The following ERC2 variants were observed in gnomAD, a reference collection of about 807,000 sequenced individuals.
The protein encoded by ERC2 is ELKS/RAB6-interacting/CAST family member 2.
In ERC2, 42 loss-of-function variants were observed where a neutral mutation model predicts 114.8. The observed-to-expected ratio is 0.37, with a 90% confidence interval of 0.29 to 0.47. The LOEUF is 0.47. ERC2 is among the 20% of genes least tolerant of loss of function. The probability of loss-of-function intolerance (pLI) is 0.99; values close to 1 mark genes in which losing one functional copy is unlikely to be tolerated. For synonymous variants in ERC2, 454 were observed against 425.5 expected (o/e 1.07, Z -0.82); for missense variants, 939 against 1,150.7 (o/e 0.82, Z 2.66).
chr3:55,711,085 T>C (rs1373031547), intron 15 of ERC2, among the ~76,000 whole-genome samples: 1 of 152,230 alleles, frequency 6.6e-6, no homozygotes, highest in Admixed American at 6.5e-5. Flanking sequence ...CGTTCCAAAG[T>C]ACTATGGTAT....
At chr3:55,829,190 G>A (rs1293768644) in intron 14 of ERC2, among the ~76,000 whole-genome samples, 1 of 152,074 alleles carries the variant, frequency 6.6e-6, no homozygotes. Flanking sequence ...ATTTTGAAAG[G>A]AAAAGATGAT....
chr3:56,090,012 G>A (rs1244000709), intron 6 of ERC2, among the ~76,000 whole-genome samples: 2 of 152,136 alleles, frequency 1.3e-5, no homozygotes. Flanking sequence ...AGGGGCTACT[G>A]ACCTCTACAA....
chr3:56,009,039 AAAC>A (rs1438659358), intron 9 of ERC2, among the ~76,000 whole-genome samples: 6 of 152,336 alleles, frequency 3.9e-5, no homozygotes, highest in African/African-American at 9.6e-5. Flanking sequence ...CATCATGCAG[AAAC>A]AACAAGTGTT....
At chr3:56,391,192 A>C (rs945803849) in intron 2 of ERC2, among the ~76,000 whole-genome samples, 4 of 152,120 alleles carry the variant, frequency 2.6e-5, no homozygotes, top group Non-Finnish European at 4.4e-5. Context: ...CCATACCAAC[A>C]CTTCAAATTA....
chr3:55,583,445 C>CCTTCCTTCCTTCCTT (rs1559692653), intron 17 of ERC2, among the ~76,000 whole-genome samples: 1 of 56,224 alleles, frequency 1.8e-5, no homozygotes, highest in Non-Finnish European at 3.8e-5. Flanking sequence ...CTTCCTTCCT[C>CCTTCCTTCCTTCCTT]CCTCCCTCCT....
chr3:56,454,370 G>A (rs2062962858), intron 1 of ERC2, among the ~76,000 whole-genome samples: 1 of 152,106 alleles, frequency 6.6e-6, no homozygotes, highest in Non-Finnish European at 1.5e-5. Context: ...CAGAATCTCT[G>A]CCTGAGAGTA....
At chr3:56,123,355 G>C (rs971433885) in intron 6 of ERC2, among the ~76,000 whole-genome samples, 1 of 151,994 alleles carries the variant, frequency 6.6e-6, no homozygotes, top group Admixed American at 6.6e-5. Flanking sequence ...CAGCAAGAAG[G>C]TGCCATCTGT....
intron 3 of ERC2, among the ~76,000 whole-genome samples, chr3:56,201,558 G>A (rs1243548524): frequency 6.6e-6 from 1 of 152,162 alleles, no homozygotes; most frequent in African/African-American, 2.4e-5. Flanking sequence ...ATTAAAATAT[G>A]TGTCTGGCAA....
intron 15 of ERC2, among the ~76,000 whole-genome samples, chr3:55,718,101 T>C (rs843797): frequency 0.83 from 125,712 of 152,190 alleles, 52,419 homozygotes; most frequent in African/African-American, 0.94. Flanking sequence ...TCTGACAAAG[T>C]ACCCAAGCAG....
chr3:55,615,087 T>G (rs1229549580), intron 17 of ERC2, among the ~76,000 whole-genome samples: 1 of 152,200 alleles, frequency 6.6e-6, no homozygotes, highest in African/African-American at 2.4e-5. Context: ...AAATATATTA[T>G]TTAGTTTTTA....
chr3:55,528,179 A>G (rs2053450113), intron 17 of ERC2, among the ~76,000 whole-genome samples: 1 of 152,232 alleles, frequency 6.6e-6, no homozygotes, highest in African/African-American at 2.4e-5. Context: ...TTCCTTTAGA[A>G]CAACAAAGCA....
At chr3:56,073,053 C>A (rs1462965677) in intron 7 of ERC2, among the ~76,000 whole-genome samples, 1 of 152,042 alleles carries the variant, frequency 6.6e-6, no homozygotes, top group Non-Finnish European at 1.5e-5. Context: ...GTCCAAACAC[C>A]ATACACACTC....
intron 6 of ERC2, among the ~76,000 whole-genome samples, chr3:56,091,359 G>A (rs2077779354): frequency 1.3e-5 from 2 of 152,202 alleles, no homozygotes; most frequent in Admixed American, 1.3e-4. Flanking sequence ...TCAGTAGATA[G>A]TGGAATTATT....
intron 10 of ERC2, among the ~76,000 whole-genome samples, chr3:55,995,334 T>TCAAA (rs1213786738): frequency 5.3e-5 from 5 of 93,506 alleles, no homozygotes; most frequent in Non-Finnish European, 1.4e-4. Flanking sequence ...TCCATCTCAA[T>TCAAA]CAATCAATCA....
chr3:56,367,353 A>C (rs1437821085), intron 2 of ERC2, among the ~76,000 whole-genome samples: 2 of 151,998 alleles, frequency 1.3e-5, no homozygotes, highest in Non-Finnish European at 1.5e-5. Context: ...AATCTTAAAT[A>C]ACACAAACTA....
rs146388134 is a variant in ERC2, at chr3:55,578,313, C to A, written c.*40-67037G>T. ...ACTCCATGAGGTCTGGTCCCTGCGA[C>A]TCTCCCAGACCTTTTCTCTTACCAG... On this transcript the variant is annotated intron_variant, in intron 17 of 17. Coordinates refer to ENST00000288221, the MANE Select transcript of ERC2 (RefSeq NM_015576.3). 1.2e-4 allele frequency among the ~76,000 whole-genome samples: 18 copies of A among 152,308 alleles called. No homozygotes were observed. In the East Asian group the frequency reaches 3.1e-3, roughly 26 times the overall value.
chr3:56,118,164 C>T (rs959152553), intron 6 of ERC2, among the ~76,000 whole-genome samples: 3 of 152,216 alleles, frequency 2.0e-5, no homozygotes, highest in Non-Finnish European at 4.4e-5. Context: ...TCAGCTTCCT[C>T]ATCTGTAAAA....
chr3:56,229,779 G>A (rs1345673257), intron 3 of ERC2, among the ~76,000 whole-genome samples: 1 of 149,206 alleles, frequency 6.7e-6, no homozygotes, highest in Non-Finnish European at 1.5e-5. Flanking sequence ...ATTCTAACTA[G>A]TACATGGAAT....
rs1275579372 is a variant in ERC2, at chr3:56,172,885, G to GT, written c.1149+560dup. ...GGATTTTTCTATTCCTTTAAATAGTGTATCTCTATGCCTGCACAGCTAAAT... is the reference window on the plus strand; with the variant it reads ...GGATTTTTCTATTCCTTTAAATAGTGTTATCTCTATGCCTGCACAGCTAAAT... On this transcript the variant is annotated intron_variant, in intron 4 of 17. Coordinates refer to ENST00000288221, the MANE Select transcript of ERC2 (RefSeq NM_015576.3). 6.6e-5 allele frequency among the ~76,000 whole-genome samples: 10 copies of GT among 152,246 alleles called. No homozygotes were observed. In the East Asian group the frequency reaches 1.9e-3, roughly 29 times the overall value.
Sources: gnomAD v4.1 joint callset for allele counts (sites outside exome capture counted in the v4.1 genomes callset) on GRCh38, gnomAD v4.1.1 for gene constraint, MANE v1.5 for transcripts, NCBI Gene and HGNC (gene_info 2026-07-23, HGNC 2026-07-21) for gene names.